HCRTR2: variants seen among roughly 807,000 people sequenced by gnomAD.
HCRTR2 encodes the protein hypocretin receptor 2, also known as orexin receptor type 2.
HCRTR2 carries 22 observed loss-of-function variants against 49.0 expected under a neutral mutation model. The observed-to-expected ratio is 0.45, with a 90% CI of 0.32 to 0.64. The LOEUF is 0.64. Among genes scored for constraint, HCRTR2 ranks in the 30% least tolerant of loss-of-function variants. The pLI is 0.04. For synonymous variants in HCRTR2, 236 were observed against 205.3 expected (o/e 1.15, Z -1.28); for missense variants, 491 against 559.4 (o/e 0.88, Z 1.23).
chr6:55,191,616 T>G (rs1765316582), intron 1 of HCRTR2, among the ~76,000 whole-genome samples: 1 of 151,996 alleles, frequency 6.6e-6, no homozygotes, highest in Non-Finnish European at 1.5e-5. Context: ...GAGTTATTGG[T>G]CACAAAATAA....
intron 1 of HCRTR2, among the ~76,000 whole-genome samples, chr6:55,135,467 A>G (rs1248275047): frequency 6.6e-6 from 1 of 152,080 alleles, no homozygotes; most frequent in Non-Finnish European, 1.5e-5. Context: ...GTTTAAATGT[A>G]TTCCTGAAAG....
At chr6:55,224,866 T>C (rs1036434272) in intron 1 of HCRTR2, among the ~76,000 whole-genome samples, 1 of 152,044 alleles carries the variant, frequency 6.6e-6, no homozygotes, top group African/African-American at 2.4e-5. Context: ...TGGGGTAAGA[T>C]GTGGTTGGGG....
At chr6:55,165,865 A>G (rs1411705566) in intron 1 of HCRTR2, among the ~76,000 whole-genome samples, 1 of 151,048 alleles carries the variant, frequency 6.6e-6, no homozygotes, top group African/African-American at 2.4e-5. Flanking sequence ...TAGTTCTCCA[A>G]AGTACATACA....
chr6:55,218,284 A>T (rs548333062), intron 1 of HCRTR2, among the ~76,000 whole-genome samples: 1 of 152,286 alleles, frequency 6.6e-6, no homozygotes, highest in African/African-American at 2.4e-5. Flanking sequence ...AAACATTCAA[A>T]CCATAGTGAT....
At chr6:55,196,427 C>T (rs1765410646) in intron 1 of HCRTR2, among the ~76,000 whole-genome samples, 2 of 152,288 alleles carry the variant, frequency 1.3e-5, no homozygotes, top group Middle Eastern at 3.4e-3. Flanking sequence ...CCTTTAGCCA[C>T]TTGGGATGAT....
intron 1 of HCRTR2, among the ~76,000 whole-genome samples, chr6:55,121,974 T>G (rs1581782759): frequency 6.6e-6 from 1 of 152,200 alleles, no homozygotes; most frequent in African/African-American, 2.4e-5. Flanking sequence ...GATGGTGGCC[T>G]CATAAAATGA....
intron 4 of HCRTR2, among the ~76,000 whole-genome samples, chr6:55,271,481 G>T (rs1322265039): frequency 1.3e-5 from 2 of 151,962 alleles, no homozygotes; most frequent in Admixed American, 6.6e-5. Context: ...TAACCAATAG[G>T]TTCTAAATAT....
At chr6:55,241,658 T>A (rs1766333811) in intron 1 of HCRTR2, among the ~76,000 whole-genome samples, 1 of 152,104 alleles carries the variant, frequency 6.6e-6, no homozygotes, top group African/African-American at 2.4e-5. Context: ...GTTGCTGTGA[T>A]TAACATTGCA....
intron 1 of HCRTR2, among the ~76,000 whole-genome samples, chr6:55,145,515 A>G (rs558545625): frequency 2.0e-5 from 3 of 149,738 alleles, no homozygotes; most frequent in South Asian, 4.2e-4. Context: ...GGTTCATGCC[A>G]TTCTCCTGCC....
chr6:55,275,270 A>G (rs1285106759), intron 4 of HCRTR2, among the ~76,000 whole-genome samples: 1 of 152,224 alleles, frequency 6.6e-6, no homozygotes, highest in African/African-American at 2.4e-5. Flanking sequence ...TAGTGAAATA[A>G]AAGTGGGGTG....
chr6:55,217,674 A>G (rs1219275673), intron 1 of HCRTR2, among the ~76,000 whole-genome samples: 3 of 152,064 alleles, frequency 2.0e-5, no homozygotes, highest in African/African-American at 7.2e-5. Context: ...GTTTACTAGT[A>G]TTTTGGCCAT....
At chr6:55,192,680 A>G (rs1472747066) in intron 1 of HCRTR2, among the ~76,000 whole-genome samples, 1 of 152,184 alleles carries the variant, frequency 6.6e-6, no homozygotes, top group Non-Finnish European at 1.5e-5. Flanking sequence ...GTAAGTATTG[A>G]TTGATAAAAC....
intron 1 of HCRTR2, among the ~76,000 whole-genome samples, chr6:55,229,197 A>C (rs1581843019): frequency 6.6e-6 from 1 of 152,176 alleles, no homozygotes; most frequent in African/African-American, 2.4e-5. Flanking sequence ...AGCCACTATA[A>C]AAATTTTTTG....
At chr6:55,144,115 T>C (rs1764546293) in intron 1 of HCRTR2, among the ~76,000 whole-genome samples, 2 of 74,964 alleles carry the variant, frequency 2.7e-5, no homozygotes, top group Non-Finnish European at 6.9e-5. Flanking sequence ...TTTTTTTTTT[T>C]TTTTTTTTTT....
intron 1 of HCRTR2, among the ~76,000 whole-genome samples, chr6:55,122,816 AGGGACATGGATGAAGCTG>A (rs1194619641): frequency 6.6e-6 from 1 of 152,042 alleles, no homozygotes; most frequent in Non-Finnish European, 1.5e-5. Flanking sequence ...TGTCCTTTGT[AGGGACATGGATGAAGCTG>A]GAAACCGTCA....
intron 4 of HCRTR2, among the ~76,000 whole-genome samples, chr6:55,274,577 T>G (rs900105796): frequency 1.3e-5 from 2 of 151,996 alleles, no homozygotes; most frequent in Non-Finnish European, 2.9e-5. Flanking sequence ...GGCATTTTAT[T>G]TATTTTTCTT....
intron 2 of HCRTR2, 27 bp from the exon 3 acceptor site, chr6:55,255,109 T>C (rs1766624493): frequency 1.9e-6 from 3 of 1,613,098 alleles, no homozygotes; most frequent in Non-Finnish European, 2.5e-6. Flanking sequence ...GGTGCTTCTC[T>C]ATTACTATGA....
chr6:55,244,055 G>T (rs746874450), intron 1 of HCRTR2, among the ~76,000 whole-genome samples: 1 of 152,000 alleles, frequency 6.6e-6, no homozygotes, highest in Non-Finnish European at 1.5e-5. Context: ...GATGGTCTGG[G>T]CACGGAATAT....
chr6:55,121,961 G>A (rs528570243), intron 1 of HCRTR2, among the ~76,000 whole-genome samples: 1 of 152,228 alleles, frequency 6.6e-6, no homozygotes, highest in South Asian at 2.1e-4. Context: ...TTGGTATCAG[G>A]ATGATGGTGG....
Sources: gnomAD v4.1 joint callset for allele counts (sites outside exome capture counted in the v4.1 genomes callset) on GRCh38, gnomAD v4.1.1 for gene constraint, MANE v1.5 for transcripts, NCBI Gene and HGNC (gene_info 2026-07-23, HGNC 2026-07-21) for gene names.